Variants in TCF7L1 observed in about 807,000 individuals in gnomAD.
TCF7L1 encodes the protein transcription factor 7-like 1.
Under a neutral mutation model 63.7 loss-of-function variants are expected in TCF7L1, and 18 were observed. That is an observed-to-expected ratio of 0.28 (90% CI 0.20 to 0.42). The LOEUF is 0.42. Ranked by LOEUF, TCF7L1 falls within the 10% of genes least tolerant of loss-of-function variation. The pLI is 1.00. For missense variants in TCF7L1, 654 were observed against 779.3 expected, an observed-to-expected ratio of 0.84 and a Z score of 1.91; for synonymous variants, 355 against 340.9, an observed-to-expected ratio of 1.04 and a Z score of -0.46.
At chr2:85,226,816 CTTTTTT>C (rs58016100) in intron 3 of TCF7L1, among the ~76,000 whole-genome samples, 8 of 137,446 alleles carry the variant, frequency 5.8e-5, no homozygotes, top group African/African-American at 8.1e-5. Context: ...CTCCCCCCGC[CTTTTTT>C]TTTTTTTTTT....
chr2:85,284,597 G>A (rs1681498758), intron 4 of TCF7L1, among the ~76,000 whole-genome samples: 1 of 152,118 alleles, frequency 6.6e-6, no homozygotes, highest in African/African-American at 2.4e-5. Context: ...GTCAACACTT[G>A]CCTTAAGATG....
At chr2:85,251,244 A>C (rs886795306) in intron 3 of TCF7L1, among the ~76,000 whole-genome samples, 10 of 152,246 alleles carry the variant, frequency 6.6e-5, no homozygotes, top group African/African-American at 2.4e-4. Flanking sequence ...AATGTTTTGC[A>C]ATAACCAAGA....
At chr2:85,175,729 A>C (rs1267091269) in intron 3 of TCF7L1, among the ~76,000 whole-genome samples, 1 of 152,240 alleles carries the variant, frequency 6.6e-6, no homozygotes, top group Non-Finnish European at 1.5e-5. Flanking sequence ...TAAAATAGGA[A>C]GCTGGGAATG....
chr2:85,254,598 A>G (rs918931106), intron 3 of TCF7L1, among the ~76,000 whole-genome samples: 5 of 152,220 alleles, frequency 3.3e-5, no homozygotes, highest in African/African-American at 1.2e-4. Context: ...TGTGTAAACC[A>G]CGTTAATTGT....
At chr2:85,186,024 T>G (rs767669993) in intron 3 of TCF7L1, among the ~76,000 whole-genome samples, 4 of 141,054 alleles carry the variant, frequency 2.8e-5, no homozygotes, top group Admixed American at 7.6e-5. Flanking sequence ...TGGAGTGCAG[T>G]GGTGCAATCT....
At chr2:85,141,796 C>G (rs910913771) in intron 3 of TCF7L1, among the ~76,000 whole-genome samples, 1 of 152,096 alleles carries the variant, frequency 6.6e-6, no homozygotes, top group African/African-American at 2.4e-5. Flanking sequence ...TAAAGACGAG[C>G]CCAAGACTTG....
At chr2:85,155,066 T>C (rs1678113069) in intron 3 of TCF7L1, among the ~76,000 whole-genome samples, 1 of 152,170 alleles carries the variant, frequency 6.6e-6, no homozygotes, top group East Asian at 1.9e-4. Context: ...CCTCCTGCCC[T>C]GGCCTCCCAA....
chr2:85,144,448 A>C (rs1224334794), intron 3 of TCF7L1, among the ~76,000 whole-genome samples: 1 of 151,600 alleles, frequency 6.6e-6, no homozygotes, highest in Non-Finnish European at 1.5e-5. Context: ...AAACCAAAAA[A>C]AACATTAGCC....
intron 3 of TCF7L1, among the ~76,000 whole-genome samples, chr2:85,271,052 C>T (rs1431421291): frequency 2.0e-5 from 3 of 152,104 alleles, no homozygotes; most frequent in East Asian, 1.9e-4. Context: ...ACAACATAAA[C>T]GCCCAAAGTC....
Position 85,309,468 on chromosome 2 carries a change from C to G in TCF7L1, c.*6C>G, listed in dbSNP as rs1249316297. The G allele has an allele frequency of 6.6e-7, 1 of 1,518,814 alleles. No homozygotes were observed. Among genetic ancestry groups the G allele is most frequent in the Admixed American group, 2.2e-5 (1 of 44,496 alleles). 94.1% of individuals were successfully genotyped at this position (1,518,814 alleles called of 1,614,324 possible). On this transcript the variant is annotated 3_prime_UTR_variant, in exon 12 of 12. Coordinates refer to ENST00000282111, the MANE Select transcript of TCF7L1 (RefSeq NM_031283.3). ...TCACCAAGTCTGCCCACTAAGCTCC[C>G]CCCGACCCCTGCAGGCTGTCACATG...
intron 3 of TCF7L1, among the ~76,000 whole-genome samples, chr2:85,203,865 T>A (rs1444117271): frequency 6.6e-6 from 1 of 152,028 alleles, no homozygotes; most frequent in Non-Finnish European, 1.5e-5. Context: ...TTGAAAACGA[T>A]GTTGAAGCAT....
intron 3 of TCF7L1, among the ~76,000 whole-genome samples, chr2:85,168,026 C>T (rs775384389): frequency 5.3e-5 from 8 of 152,122 alleles, no homozygotes; most frequent in Non-Finnish European, 1.0e-4. Context: ...ACGCTGGTTG[C>T]CAGGGAATGG....
intron 4 of TCF7L1, among the ~76,000 whole-genome samples, chr2:85,301,851 C>T (rs938943634): frequency 1.3e-5 from 2 of 152,144 alleles, no homozygotes; most frequent in Non-Finnish European, 2.9e-5. Flanking sequence ...CAGGGCCGGG[C>T]GCAGTGGTTC....
At chr2:85,205,732 G>A (rs1401790109) in intron 3 of TCF7L1, among the ~76,000 whole-genome samples, 1 of 152,118 alleles carries the variant, frequency 6.6e-6, no homozygotes, top group Non-Finnish European at 1.5e-5. Flanking sequence ...TGTAGGCCAG[G>A]CTGGTTTCGA....
chr2:85,275,919 C>CA (rs10657618), intron 3 of TCF7L1, among the ~76,000 whole-genome samples: 11,755 of 106,748 alleles, frequency 0.11, 1,032 homozygotes, highest in African/African-American at 0.2. Flanking sequence ...GACTCCATCT[C>CA]AAAAAAAAAA....
At chr2:85,279,273 T>TA (rs1681357253) in intron 3 of TCF7L1, among the ~76,000 whole-genome samples, 1 of 152,184 alleles carries the variant, frequency 6.6e-6, no homozygotes, top group African/African-American at 2.4e-5. Context: ...AGAAGAGCTT[T>TA]ATTGGCTGGG....
rs771259149 is a variant in TCF7L1 at position 85,133,981 on chromosome 2, G to C, written c.250-35G>C. Reference sequence around the variant, plus strand: ...CCCGGGGGATCCCGGCCCTGCGTCCGCTCACCCGCTCTTGCCTTTGTGTCT... The same window carrying C: ...CCCGGGGGATCCCGGCCCTGCGTCCCCTCACCCGCTCTTGCCTTTGTGTCT... On this transcript the variant is annotated intron_variant, in intron 1 of 11. Transcript: ENST00000282111. This position sits in a 1 kb window ranked among gnomAD's most constrained non-coding sequence, Gnocchi z 4.4. 2 of 1,594,932 alleles carry C rather than the reference G, an allele frequency of 1.3e-6. No individual in the cohort carries two copies. Among genetic ancestry groups the C allele is most frequent in the East Asian group, 4.6e-5 (2 of 43,542 alleles).
intron 4 of TCF7L1, among the ~76,000 whole-genome samples, chr2:85,298,157 A>ACT (rs905858102): frequency 8.7e-6 from 1 of 114,516 alleles, no homozygotes; most frequent in African/African-American, 3.6e-5. Flanking sequence ...ATGCCACTGC[A>ACT]CTCCAGCCTG....
chr2:85,305,491 C>T (rs894675254), intron 8 of TCF7L1, 88 bp downstream of exon 8: 5 of 1,460,388 alleles, frequency 3.4e-6, no homozygotes, highest in South Asian at 1.3e-5. Flanking sequence ...GTCATGTACT[C>T]TTCTCTCTTG....
Sources: allele counts gnomAD v4.1 joint callset (sites outside exome capture counted in the v4.1 genomes callset), GRCh38; gene constraint gnomAD v4.1.1; non-coding constraint Gnocchi (gnomAD v3.1); transcripts MANE v1.5; gene names NCBI Gene and HGNC (gene_info 2026-07-23, HGNC 2026-07-21).